The following ADCYAP1R1 variants were observed in gnomAD, a reference collection of about 807,000 sequenced individuals.
ADCYAP1R1 encodes the protein ADCYAP receptor type I.
Under a neutral mutation model 67.6 loss-of-function variants are expected in ADCYAP1R1, and 44 were observed. The observed-to-expected ratio is 0.65, with a 90% CI of 0.51 to 0.84. ADCYAP1R1 has a LOEUF of 0.84. Ranked by LOEUF, ADCYAP1R1 falls within the 40% of genes least tolerant of loss-of-function variation. The pLI, the probability that ADCYAP1R1 is intolerant of heterozygous loss-of-function variation, is 0.00. For synonymous variants in ADCYAP1R1, 222 were observed against 219.6 expected, an observed-to-expected ratio of 1.01 and a Z score of -0.10; for missense variants, 477 against 587.9, an observed-to-expected ratio of 0.81 and a Z score of 1.95.
rs573938761 is a variant in ADCYAP1R1 at position 31,106,569 on chromosome 7, G to A, written c.1292G>A (p.Arg431Gln). The A allele has an allele frequency of 3.5e-5, 56 of 1,613,954 alleles. No homozygotes were observed. The highest frequency in any genetic ancestry group is 6.6e-5 in the South Asian group (6 of 91,076). The change falls in exon 16 of 16, where the codon CGA becomes CAA. Residue 431 changes from arginine to glutamine, a missense_variant. Arg to Gln is a conservative substitution (Grantham distance 43). Coordinates refer to ENST00000304166, the MANE Select transcript of ADCYAP1R1 (RefSeq NM_001118.5). ...TACTTCGCTGTGGACTTCAAGCACCGACACCCGTCTCTGGCCAGCAGTGGG... is the reference window on the plus strand; with the variant it reads ...TACTTCGCTGTGGACTTCAAGCACCAACACCCGTCTCTGGCCAGCAGTGGG... ...NRYFAVDFKH[R>Q]HPSLASSGVN...
Position 31,102,739 on chromosome 7 carries a change from C to G in ADCYAP1R1, c.1047-498C>G, listed in dbSNP as rs146462952. 6.9e-3 allele frequency among the ~76,000 whole-genome samples: 1,054 copies of G among 152,220 alleles called. 15 individuals carry two copies. The highest frequency in any genetic ancestry group is 0.024 in the African/African-American group (980 of 41,536). ...CACTGAGCCTTTCCTCCCTCCCTGC[C>G]ATCAGCACTTCCCCATCACTTGGTG... On this transcript the variant is annotated intron_variant, in intron 13 of 15. Coordinates refer to ENST00000304166, the MANE Select transcript of ADCYAP1R1 (RefSeq NM_001118.5). The surrounding 1 kb of genome is among the most constrained non-coding windows in gnomAD (Gnocchi z 4.3).
chr7:31,077,554 T>C (rs1795309888), intron 3 of ADCYAP1R1, among the ~76,000 whole-genome samples: 1 of 149,134 alleles, frequency 6.7e-6, no homozygotes, highest in Non-Finnish European at 1.5e-5. Context: ...AATGTGTGTG[T>C]GGTGCATGTG....
At chr7:31,053,404 C>A (rs1794107791) in intron 1 of ADCYAP1R1, among the ~76,000 whole-genome samples, 1 of 152,230 alleles carries the variant, frequency 6.6e-6, no homozygotes, top group East Asian at 1.9e-4. Context: ...CCCTGCCTGC[C>A]GCTTTAGAGG....
chr7:31,054,407 A>G (rs911888461), intron 1 of ADCYAP1R1, among the ~76,000 whole-genome samples: 1 of 152,080 alleles, frequency 6.6e-6, no homozygotes, highest in African/African-American at 2.4e-5. Context: ...TGTTTTGTAT[A>G]AGGTTCAGGC....
At position 31,064,840 on chromosome 7, in the gene ADCYAP1R1, A is replaced by G. The variant is rs747320072; in HGVS notation, c.61A>G (p.Met21Val). ...ALLLLPMAPA[M>V]HSDCIFKKEQ... ...CTGTGTTCTCCTACAGGCCCCTGCC[A>G]TGCATTCTGACTGCATCTTCAAGAA... is the stretch of plus-strand genomic sequence containing the variant. The change falls in exon 3 of 16, where the codon ATG (methionine) becomes GTG (valine). Residue 21 changes from methionine to valine, a missense_variant. Met to Val is a conservative substitution (Grantham distance 21). Transcript: ENST00000304166. 6 of 1,611,482 alleles carry G rather than the reference A, an allele frequency of 3.7e-6. No individual in the cohort carries two copies. Among genetic ancestry groups the G allele is most frequent in the Non-Finnish European group, 5.1e-6 (6 of 1,178,794 alleles).
chr7:31,064,106 T>A lies in ADCYAP1R1; in HGVS notation c.52-725T>A, dbSNP rs142544693. Among the ~76,000 whole-genome samples the A allele has an allele frequency of 4.7e-3, 715 of 152,332 alleles. 8 individuals are homozygous for A. Among genetic ancestry groups the A allele is most frequent in the African/African-American group, 0.017 (693 of 41,564 alleles). On this transcript the variant is annotated intron_variant, in intron 2 of 15. Coordinates refer to ENST00000304166, the MANE Select transcript of ADCYAP1R1 (RefSeq NM_001118.5). ...TGAACTTGAAGCCCATATCTGCTAT[T>A]AACCAGTGGTATAACTTTGGGCTGG...
chr7:31,105,438 G>A (rs1447525442), intron 15 of ADCYAP1R1, among the ~76,000 whole-genome samples: 1 of 152,220 alleles, frequency 6.6e-6, no homozygotes, highest in African/African-American at 2.4e-5. Context: ...GAGAGACCTG[G>A]AACCTTCTAT....
At chr7:31,077,915 T>G (rs1795342636) in intron 3 of ADCYAP1R1, 76 bp from the exon 4 acceptor site, 1 of 901,356 alleles carries the variant, frequency 1.1e-6, no homozygotes, top group African/African-American at 1.7e-5. Context: ...TATGTTGGTG[T>G]GTGTGATGTG....
At chr7:31,088,366 C>G (rs1363946494) in intron 12 of ADCYAP1R1, among the ~76,000 whole-genome samples, 1 of 152,192 alleles carries the variant, frequency 6.6e-6, no homozygotes, top group Non-Finnish European at 1.5e-5. Flanking sequence ...TTTATACAGT[C>G]AAATGGTCAA....
intron 3 of ADCYAP1R1, among the ~76,000 whole-genome samples, chr7:31,074,293 C>A (rs1795110815): frequency 6.6e-6 from 1 of 152,106 alleles, no homozygotes; most frequent in Non-Finnish European, 1.5e-5. Context: ...TGCCGTTTCC[C>A]CTCACTCTAT....
At chr7:31,104,527 G>A (rs539397186) in intron 14 of ADCYAP1R1, among the ~76,000 whole-genome samples, 1 of 152,252 alleles carries the variant, frequency 6.6e-6, no homozygotes, top group East Asian at 1.9e-4. Flanking sequence ...CCTGCAGGAT[G>A]GTTAGGAGCT....
intron 13 of ADCYAP1R1, 142 bp from the exon 14 acceptor site, chr7:31,103,095 G>A: frequency 8.4e-7 from 1 of 1,193,204 alleles, no homozygotes; most frequent in South Asian, 1.6e-5. Context: ...ACTTGTACTG[G>A]GAGAGAATGC....
Position 31,084,253 on chromosome 7 carries a change from G to A in ADCYAP1R1, c.438+3G>A, listed in dbSNP as rs749310171. 5.0e-6 allele frequency: 8 copies of A among 1,612,180 alleles called. No individual in the cohort carries two copies. In the African/African-American group the frequency reaches 9.3e-5, roughly 19 times the overall value. ...ATGAATCTGAGACTGGGGACCAGGT[G>A]AGTGTCTGCACCCTGCTCCCCAGAG... is the stretch of plus-strand genomic sequence containing the variant. On this transcript the variant is annotated splice_donor_region_variant and intron_variant, in intron 7 of 15. Coordinates refer to ENST00000304166, the MANE Select transcript of ADCYAP1R1 (RefSeq NM_001118.5).
intron 1 of ADCYAP1R1, among the ~76,000 whole-genome samples, chr7:31,055,648 C>T (rs1794207706): frequency 6.6e-6 from 1 of 152,100 alleles, no homozygotes; most frequent in Admixed American, 6.6e-5. Context: ...GCTCACTGGC[C>T]GTACAAAAAT....
intron 4 of ADCYAP1R1, 49 bp from the exon 5 acceptor site, chr7:31,080,564 C>T (rs369373914): frequency 1.9e-6 from 3 of 1,601,634 alleles, no homozygotes; most frequent in South Asian, 1.1e-5. Context: ...TTTTCTCACC[C>T]CGCTGCTCAC....
At chr7:31,101,347 G>A (rs1046694355) in intron 13 of ADCYAP1R1, among the ~76,000 whole-genome samples, 1 of 152,126 alleles carries the variant, frequency 6.6e-6, no homozygotes, top group Non-Finnish European at 1.5e-5. Context: ...TGACTTATTG[G>A]TTTCCAGGGC....
At chr7:31,078,226 G>C in intron 4 of ADCYAP1R1, 128 bp downstream of exon 4, 1 of 659,444 alleles carries the variant, frequency 1.5e-6, no homozygotes, top group South Asian at 2.0e-5. Context: ...GCTCACATGT[G>C]GTGTGGGGGA....
intron 3 of ADCYAP1R1, among the ~76,000 whole-genome samples, chr7:31,077,573 GTGTGT>G (rs1395574826): frequency 1.3e-5 from 2 of 149,948 alleles, no homozygotes; most frequent in Non-Finnish European, 3.0e-5. Flanking sequence ...TGTGATGTGT[GTGTGT>G]TGTATGTGTG....
chr7:31,103,654 G>A (rs1352074255), intron 14 of ADCYAP1R1, among the ~76,000 whole-genome samples: 2 of 152,214 alleles, frequency 1.3e-5, no homozygotes, highest in Non-Finnish European at 2.9e-5. Flanking sequence ...AGGGTGGAGT[G>A]TCCTCAAGAG....
Sources: gnomAD v4.1 joint callset for allele counts (sites outside exome capture counted in the v4.1 genomes callset) on GRCh38, gnomAD v4.1.1 for gene constraint, Gnocchi (gnomAD v3.1) non-coding constraint, MANE v1.5 for transcripts, NCBI Gene and HGNC (gene_info 2026-07-23, HGNC 2026-07-21) for gene names.